UROS: variants seen among roughly 807,000 people sequenced by gnomAD.
UROS encodes the protein uroporphyrinogen III synthase, also known as uroporphyrinogen-III synthase.
Under a neutral mutation model 33.0 loss-of-function variants are expected in UROS, and 18 were observed. The ratio of observed to expected loss-of-function variants is 0.55; its 90% CI spans 0.38 to 0.81. The LOEUF is 0.81. Among genes scored for constraint, UROS ranks in the 30% least tolerant of loss-of-function variants. The probability of loss-of-function intolerance (pLI) is 0.00; values close to 1 mark genes in which losing one functional copy is unlikely to be tolerated. For missense variants in UROS, 293 were observed against 314.9 expected, an observed-to-expected ratio of 0.93 and a Z score of 0.53; for synonymous variants, 114 against 121.1, an observed-to-expected ratio of 0.94 and a Z score of 0.38.
chr10:125,789,446 C>A (rs1850763880), intron 9 of UROS: 3 of 992,448 alleles, frequency 3.0e-6, no homozygotes, highest in South Asian at 2.9e-5. Context: ...GCTCTGTGGG[C>A]ACAGGGTTGG....
intron 5 of UROS, 113 bp from the exon 6 acceptor site, chr10:125,807,600 G>T: frequency 1.2e-6 from 1 of 821,424 alleles, no homozygotes; most frequent in Non-Finnish European, 2.1e-6. Context: ...ATCACATAGA[G>T]GATGTCTTTT....
intron 4 of UROS, among the ~76,000 whole-genome samples, chr10:125,812,659 AG>A (rs1056064764): frequency 1.3e-5 from 2 of 152,186 alleles, no homozygotes; most frequent in African/African-American, 4.8e-5. Context: ...ATTTAAAAAA[AG>A]CAACTTAAAT....
At chr10:125,810,434 G>T (rs952758111) in intron 5 of UROS, among the ~76,000 whole-genome samples, 1 of 152,108 alleles carries the variant, frequency 6.6e-6, no homozygotes, top group African/African-American at 2.4e-5. Flanking sequence ...GAGTGATTTT[G>T]GAAGCAGACC....
intron 9 of UROS, among the ~76,000 whole-genome samples, chr10:125,791,095 A>G (rs1850905038): frequency 2.6e-5 from 4 of 151,200 alleles, no homozygotes; most frequent in Admixed American, 2.6e-4. Context: ...CCATCTCAAA[A>G]AAAAAAAAAA....
At chr10:125,803,118 CCAGTCCTAGGCT>C (rs1851981036) in intron 6 of UROS, 1 of 1,570,284 alleles carries the variant, frequency 6.4e-7, no homozygotes, top group East Asian at 2.2e-5. Context: ...TTGGAGTCAG[CCAGTCCTAGGCT>C]TGAGCCCCAG....
At chr10:125,813,951 A>G (rs764894877) in intron 4 of UROS, among the ~76,000 whole-genome samples, 21 of 152,168 alleles carry the variant, frequency 1.4e-4, no homozygotes, top group Non-Finnish European at 7.3e-5. Flanking sequence ...GCTCCAGGTA[A>G]TGTCCTGGAT....
chr10:125,810,261 G>T (rs1381456567), intron 5 of UROS, among the ~76,000 whole-genome samples: 2 of 152,164 alleles, frequency 1.3e-5, no homozygotes, highest in Non-Finnish European at 2.9e-5. Context: ...TCCAAGATTA[G>T]GTTATAAAAA....
At chr10:125,795,981 A>G (rs969159787) in intron 8 of UROS, 122 bp downstream of exon 8, 3 of 856,366 alleles carry the variant, frequency 3.5e-6, no homozygotes. Flanking sequence ...AAAGGCATGC[A>G]GGTGACAGCT....
At chr10:125,801,738 G>A (rs1851852995) in intron 6 of UROS, among the ~76,000 whole-genome samples, 1 of 152,210 alleles carries the variant, frequency 6.6e-6, no homozygotes, top group South Asian at 2.1e-4. Context: ...TATTCTCCCA[G>A]ATAAGGTCAG....
intron 9 of UROS, chr10:125,794,228 G>T: frequency 1.7e-6 from 1 of 600,648 alleles, no homozygotes; most frequent in Non-Finnish European, 2.1e-6. Context: ...CTTTAAAACT[G>T]GGAGAGCGGT....
At chr10:125,804,791 T>G (rs774027608) in intron 6 of UROS, among the ~76,000 whole-genome samples, 1 of 152,324 alleles carries the variant, frequency 6.6e-6, no homozygotes, top group Non-Finnish European at 1.5e-5. Flanking sequence ...ACAAAAACTG[T>G]TCATACCTCT....
intron 4 of UROS, among the ~76,000 whole-genome samples, chr10:125,814,129 G>T (rs968868997): frequency 6.6e-6 from 1 of 152,170 alleles, no homozygotes; most frequent in Non-Finnish European, 1.5e-5. Context: ...ACAGAGTCTC[G>T]CACAGAGTGA....
intron 8 of UROS, 34 bp downstream of exon 8, chr10:125,796,069 C>G: frequency 6.2e-7 from 1 of 1,607,122 alleles, no homozygotes; most frequent in Non-Finnish European, 8.5e-7. Flanking sequence ...CCTGGGCACC[C>G]ACCCTGCCAG....
chr10:125,812,014 G>T (rs1852859263), intron 5 of UROS, among the ~76,000 whole-genome samples, 200 bp downstream of exon 5: 1 of 152,154 alleles, frequency 6.6e-6, no homozygotes, highest in Admixed American at 6.5e-5. Context: ...CTCAAAAGAT[G>T]TAAACCAATT....
At chr10:125,814,991 G>A in intron 4 of UROS, 43 bp downstream of exon 4, 1 of 1,601,520 alleles carries the variant, frequency 6.2e-7, no homozygotes, top group Non-Finnish European at 8.5e-7. Context: ...AGAAATAAGA[G>A]TAAATAAATG....
At chr10:125,818,304 G>A (rs560262141) in intron 1 of UROS, among the ~76,000 whole-genome samples, 10 of 152,144 alleles carry the variant, frequency 6.6e-5, no homozygotes, top group African/African-American at 2.2e-4. Flanking sequence ...ACAACATAGC[G>A]AGACCCCATT....
rs141515928 is a variant in UROS at position 125,821,317 on chromosome 10, GA to G, written c.-27+1711del. Among the ~76,000 whole-genome samples, 955 of 152,336 alleles carry G rather than the reference GA, an allele frequency of 6.3e-3. 7 individuals carry two copies. The highest frequency in any genetic ancestry group is 0.022 in the African/African-American group (899 of 41,574). On this transcript the variant is annotated intron_variant, in intron 1 of 9. Transcript: ENST00000368797. ...GTATTATTCAGCCTTAACAAGGAAGGAAATCCTAATGCATGCTACAGCATGG... is the reference window on the plus strand; with the variant it reads ...GTATTATTCAGCCTTAACAAGGAAGGAATCCTAATGCATGCTACAGCATGG...
chr10:125,803,380 G>A (rs544826122), intron 6 of UROS, among the ~76,000 whole-genome samples: 2 of 152,316 alleles, frequency 1.3e-5, no homozygotes, highest in African/African-American at 2.4e-5. Context: ...GAAGCTGCCT[G>A]CCAGCAAGCC....
chr10:125,812,874 C>T (rs1473614333), intron 4 of UROS, among the ~76,000 whole-genome samples: 1 of 152,060 alleles, frequency 6.6e-6, no homozygotes, highest in African/African-American at 2.4e-5. Flanking sequence ...TAAAGAAACA[C>T]AAAGAGAAAA....
Sources: allele counts gnomAD v4.1 joint callset (sites outside exome capture counted in the v4.1 genomes callset), GRCh38; gene constraint gnomAD v4.1.1; transcripts MANE v1.5; gene names NCBI Gene and HGNC (gene_info 2026-07-23, HGNC 2026-07-21).